PLXNA4: variants seen among roughly 807,000 people sequenced by gnomAD.
PLXNA4 encodes the protein plexin A4.
In PLXNA4, 44 loss-of-function variants were observed where a neutral mutation model predicts 191.8. The observed-to-expected ratio is 0.23, with a 90% CI of 0.18 to 0.29. The LOEUF (loss-of-function observed/expected upper bound fraction) is 0.29. Among genes scored for constraint, PLXNA4 ranks in the 10% least tolerant of loss-of-function variants. The pLI is 1.00. For synonymous variants in PLXNA4, 1,082 were observed against 1,009.5 expected, an observed-to-expected ratio of 1.07 and a Z score of -1.36; for missense variants, 1,800 against 2,488.8, an observed-to-expected ratio of 0.72 and a Z score of 5.89.
rs28528297 is a variant in PLXNA4, at chr7:132,255,958, C to A, written c.1504-14792G>T. 2.8e-3 allele frequency among the ~76,000 whole-genome samples: 427 copies of A among 152,358 alleles called. 1 individual carries two copies. Among genetic ancestry groups the A allele is most frequent in the African/African-American group, 9.6e-3 (399 of 41,582 alleles). On this transcript the variant is annotated intron_variant, in intron 4 of 31. Transcript: ENST00000321063. ...AAATGAGGTCAAGGTTATCTGTGTT[C>A]TTTATTTAATCAGGGTCTCCCCTGA...
chr7:132,369,476 G>A (rs572979210), intron 3 of PLXNA4, among the ~76,000 whole-genome samples: 1 of 152,280 alleles, frequency 6.6e-6, no homozygotes, highest in South Asian at 2.1e-4. Flanking sequence ...AAGGAGGGCA[G>A]ACTAATGCTT....
chr7:132,178,711 C>T (rs1584800972), intron 20 of PLXNA4, among the ~76,000 whole-genome samples: 2 of 83,528 alleles, frequency 2.4e-5, no homozygotes, highest in African/African-American at 1.8e-4. Flanking sequence ...TACACATACA[C>T]ATACACACAC....
intron 3 of PLXNA4, among the ~76,000 whole-genome samples, chr7:132,413,072 T>C (rs1223231872): frequency 6.6e-6 from 1 of 152,120 alleles, no homozygotes; most frequent in East Asian, 1.9e-4. Flanking sequence ...CATGCTGTTC[T>C]TATACAGTTC....
intron 3 of PLXNA4, among the ~76,000 whole-genome samples, chr7:132,406,089 C>G (rs1794208484): frequency 6.6e-6 from 1 of 152,122 alleles, no homozygotes; most frequent in Admixed American, 6.5e-5. Context: ...GGACAGACTG[C>G]CTGACAAAGT....
At chr7:132,523,356 T>A (rs1799266113) in intron 1 of PLXNA4, among the ~76,000 whole-genome samples, 1 of 152,184 alleles carries the variant, frequency 6.6e-6, no homozygotes, top group African/African-American at 2.4e-5. Flanking sequence ...AGGTGACACT[T>A]GCAGGGGGAC....
intron 1 of PLXNA4, among the ~76,000 whole-genome samples, chr7:132,571,971 C>A (rs953300666): frequency 3.3e-5 from 5 of 152,130 alleles, no homozygotes; most frequent in African/African-American, 1.2e-4. Context: ...GAAGACTCAT[C>A]CCCCTTGATG....
intron 3 of PLXNA4, among the ~76,000 whole-genome samples, chr7:132,397,974 T>C (rs995439271): frequency 1.3e-5 from 2 of 152,128 alleles, no homozygotes; most frequent in Admixed American, 6.5e-5. Context: ...GCCATCTCAC[T>C]ATGGAGGCTC....
intron 4 of PLXNA4, among the ~76,000 whole-genome samples, chr7:132,291,873 C>A (rs145010656): frequency 1.6e-4 from 25 of 152,340 alleles, no homozygotes; most frequent in African/African-American, 5.8e-4. Flanking sequence ...AAGTTCACTG[C>A]AACCTCCGCC....
At chr7:132,521,290 T>C (rs1429936596) in intron 1 of PLXNA4, among the ~76,000 whole-genome samples, 3 of 150,258 alleles carry the variant, frequency 2.0e-5, no homozygotes, top group East Asian at 2.0e-4. Context: ...TTTTAGGACA[T>C]AAAGTTTGGA....
chr7:132,282,456 C>A (rs1213398151), intron 4 of PLXNA4, among the ~76,000 whole-genome samples: 1 of 151,630 alleles, frequency 6.6e-6, no homozygotes, highest in Non-Finnish European at 1.5e-5. Context: ...TGAGACTACC[C>A]TGCATGCCCT....
intron 3 of PLXNA4, among the ~76,000 whole-genome samples, chr7:132,322,184 C>CTTTTTTTTTTTTTTTTT (rs5887566): frequency 4.1e-5 from 5 of 122,490 alleles, no homozygotes; most frequent in Admixed American, 9.4e-5. Context: ...CCTAAAAGGG[C>CTTTTTTTTTTTTTTTTT]TTTTTTTTTT....
intron 1 of PLXNA4, among the ~76,000 whole-genome samples, chr7:132,540,833 C>T (rs958721480): frequency 2.0e-5 from 3 of 151,286 alleles, no homozygotes; most frequent in African/African-American, 7.3e-5. Context: ...ATGATCCACC[C>T]GCCTCGGCCT....
intron 1 of PLXNA4, among the ~76,000 whole-genome samples, chr7:132,553,451 A>G (rs890099498): frequency 8.5e-5 from 13 of 152,290 alleles, no homozygotes; most frequent in African/African-American, 3.1e-4. Context: ...CTGACAGGGT[A>G]CATGAAAATT....
intron 1 of PLXNA4, among the ~76,000 whole-genome samples, chr7:132,529,404 T>C (rs1306097036): frequency 2.0e-5 from 3 of 152,174 alleles, no homozygotes; most frequent in African/African-American, 4.8e-5. Context: ...ATTAAATCAA[T>C]ATCAAAAATA....
chr7:132,248,182 G>A (rs74757760), intron 4 of PLXNA4, among the ~76,000 whole-genome samples: 6,183 of 152,230 alleles, frequency 0.041, 337 homozygotes, highest in Admixed American at 0.14. Context: ...AGAGCTTCCC[G>A]AAATAGCTGT....
chr7:132,513,640 A>T (rs964341308), intron 1 of PLXNA4, among the ~76,000 whole-genome samples: 1 of 108,998 alleles, frequency 9.2e-6, no homozygotes, highest in Non-Finnish European at 2.0e-5. Context: ...TAGGTGAGTC[A>T]CAGGTGTTTT....
At chr7:132,563,034 C>T (rs1801364616) in intron 1 of PLXNA4, among the ~76,000 whole-genome samples, 1 of 111,884 alleles carries the variant, frequency 8.9e-6, no homozygotes, top group Non-Finnish European at 1.9e-5. Flanking sequence ...CTTTCTCCTC[C>T]TCCTTCTCTT....
intron 4 of PLXNA4, among the ~76,000 whole-genome samples, chr7:132,263,350 T>C (rs1799724216): frequency 1.3e-5 from 2 of 152,238 alleles, no homozygotes; most frequent in African/African-American, 4.8e-5. Context: ...GGCAGGCATC[T>C]GCAGCACTTC....
intron 30 of PLXNA4, among the ~76,000 whole-genome samples, chr7:132,138,391 G>A (rs1376784496): frequency 6.6e-6 from 1 of 152,292 alleles, no homozygotes; most frequent in East Asian, 1.9e-4. Flanking sequence ...CGGGAGATCA[G>A]GTGTGCTGTG....
Sources: gnomAD v4.1 joint callset for allele counts (sites outside exome capture counted in the v4.1 genomes callset) on GRCh38, gnomAD v4.1.1 for gene constraint, MANE v1.5 for transcripts, NCBI Gene and HGNC (gene_info 2026-07-23, HGNC 2026-07-21) for gene names.